The following CTNNA1 variants were observed in gnomAD, a reference collection of about 807,000 sequenced individuals.
CTNNA1 encodes the protein catenin alpha-1.
In CTNNA1, 37 loss-of-function variants were observed where a neutral mutation model predicts 98.4. The observed-to-expected ratio is 0.38, with a 90% CI of 0.29 to 0.49. The LOEUF (loss-of-function observed/expected upper bound fraction) is 0.49, where lower values mean the gene tolerates loss of function less well. CTNNA1 is among the 20% of genes least tolerant of loss of function. The probability of loss-of-function intolerance (pLI) is 0.95; values close to 1 mark genes in which losing one functional copy is unlikely to be tolerated. For synonymous variants in CTNNA1, 404 were observed against 413.2 expected (o/e 0.98, Z 0.27); for missense variants, 761 against 1,147.2 (o/e 0.66, Z 4.86).
intron 7 of CTNNA1, chr5:138,868,773 C>G (rs1765052442): frequency 6.6e-6 from 1 of 152,068 alleles, no homozygotes; most frequent in Non-Finnish European, 1.5e-5. Flanking sequence ...GATTAGCTGC[C>G]CCTTTTTTCA....
chr5:138,844,338 C>G (rs1470938836), intron 7 of CTNNA1, among the ~76,000 whole-genome samples: 1 of 152,034 alleles, frequency 6.6e-6, no homozygotes, highest in African/African-American at 2.4e-5. Context: ...TAGTACGAAA[C>G]CTTTTGTCTC....
At chr5:138,795,402 G>C (rs2149689498) in intron 3 of CTNNA1, among the ~76,000 whole-genome samples, 1 of 152,144 alleles carries the variant, frequency 6.6e-6, no homozygotes, top group Non-Finnish European at 1.5e-5. Context: ...AGATTGCAGT[G>C]AGCCGAGATT....
intron 7 of CTNNA1, among the ~76,000 whole-genome samples, chr5:138,846,484 G>A (rs1004379390): frequency 2.0e-5 from 3 of 152,152 alleles, no homozygotes; most frequent in African/African-American, 7.2e-5. Context: ...TGCTAATGAT[G>A]TGATATGTAT....
chr5:138,788,551 C>T (rs1755976456), intron 3 of CTNNA1, among the ~76,000 whole-genome samples: 1 of 151,964 alleles, frequency 6.6e-6, no homozygotes, highest in Non-Finnish European at 1.5e-5. Flanking sequence ...TTTTATCATC[C>T]CCCAAAAGAA....
intron 7 of CTNNA1, among the ~76,000 whole-genome samples, chr5:138,847,608 C>T (rs1287719286): frequency 6.6e-6 from 1 of 152,136 alleles, no homozygotes; most frequent in Non-Finnish European, 1.5e-5. Flanking sequence ...GGATTTCAGG[C>T]ACTGTGGCAG....
At chr5:138,805,216 A>C (rs943841960) in intron 3 of CTNNA1, among the ~76,000 whole-genome samples, 4 of 152,196 alleles carry the variant, frequency 2.6e-5, no homozygotes, top group Admixed American at 2.6e-4. Flanking sequence ...CCCACCTCCA[A>C]CATTGAGAAT....
intron 9 of CTNNA1, among the ~76,000 whole-genome samples, chr5:138,896,704 T>C (rs977191104): frequency 1.3e-5 from 2 of 152,230 alleles, no homozygotes; most frequent in Admixed American, 6.5e-5. Flanking sequence ...TTCATCTGTT[T>C]ATAAAATAAC....
At chr5:138,881,435 G>A (rs1366784666) in intron 7 of CTNNA1, among the ~76,000 whole-genome samples, 1 of 152,178 alleles carries the variant, frequency 6.6e-6, no homozygotes, top group Non-Finnish European at 1.5e-5. Flanking sequence ...AATATATGTT[G>A]TATGACACTG....
chr5:138,795,049 C>A (rs1756786708), intron 3 of CTNNA1, among the ~76,000 whole-genome samples: 1 of 149,376 alleles, frequency 6.7e-6, no homozygotes, highest in East Asian at 2.0e-4. Flanking sequence ...ACTCAAGTGG[C>A]TGAGGTGGGA....
In CTNNA1 at chr5:138,931,409, G is replaced by A. The variant is rs141437088; in HGVS notation, c.2298+474G>A. On this transcript the variant is annotated intron_variant, in intron 16 of 17. Transcript: ENST00000302763. ...TTTGGTGTTTTAAGCCTGATCAAGA[G>A]AAGCTCTTTCTCAGTTACAGTTTTT... is the stretch of plus-strand genomic sequence containing the variant. 3.6e-4 allele frequency among the ~76,000 whole-genome samples: 55 copies of A among 152,346 alleles called. 2 individuals carry two copies. In the East Asian group the frequency reaches 0.01, roughly 28 times the overall value.
intron 9 of CTNNA1, among the ~76,000 whole-genome samples, chr5:138,894,119 A>G (rs769850864): frequency 6.6e-6 from 1 of 151,580 alleles, no homozygotes; most frequent in Non-Finnish European, 1.5e-5. Flanking sequence ...GGGTTTTGCC[A>G]TGTTGGCCAG....
Position 138,874,617 on chromosome 5 carries a change from C to A in CTNNA1, c.1063-11595C>A. 1 of 1,078,364 alleles carries A rather than the reference C, an allele frequency of 9.3e-7. No homozygotes were observed. Among genetic ancestry groups the A allele is most frequent in the Non-Finnish European group, 1.3e-6 (1 of 766,248 alleles). The allele number at this position is 1,078,364 out of a possible 1,614,324, so 66.8% of individuals were successfully genotyped here. ...GATATTTTTCAGCAGAACATATGGG[C>A]TATTTAAAAAAAACAACCACCACCA... is the stretch of plus-strand genomic sequence containing the variant. On this transcript the variant is annotated intron_variant, in intron 7 of 17. Coordinates refer to ENST00000302763, the MANE Select transcript of CTNNA1 (RefSeq NM_001903.5). This position sits in a 1 kb window ranked among gnomAD's most constrained non-coding sequence, Gnocchi z 4.1.
intron 7 of CTNNA1, among the ~76,000 whole-genome samples, chr5:138,856,927 A>G (rs1763780162): frequency 6.6e-6 from 1 of 152,182 alleles, no homozygotes; most frequent in Non-Finnish European, 1.5e-5. Context: ...GAGATTAATA[A>G]TGAACACTTG....
intron 7 of CTNNA1, among the ~76,000 whole-genome samples, chr5:138,866,762 T>G (rs1764823071): frequency 6.6e-6 from 1 of 152,230 alleles, no homozygotes. Context: ...AAGGGGAGGT[T>G]TAAGATGTGT....
intron 1 of CTNNA1, among the ~76,000 whole-genome samples, chr5:138,762,420 C>G (rs1580860601): frequency 6.6e-6 from 1 of 152,154 alleles, no homozygotes. Flanking sequence ...AAGAACCACA[C>G]TTCAAAAATA....
chr5:138,786,323 C>A (rs991421654), intron 3 of CTNNA1, among the ~76,000 whole-genome samples: 1 of 152,126 alleles, frequency 6.6e-6, no homozygotes, highest in African/African-American at 2.4e-5. Context: ...GTGATAAGAT[C>A]TCTTTTCTAT....
chr5:138,812,180 T>C lies in CTNNA1; in HGVS notation c.469-3T>C. The stretch of plus-strand genomic sequence containing the variant: ...GGGTTTTGGGGTCTTTCTTATTTTA[T>C]AGGTGGAAGATGGTATCTTGAAGTT... On this transcript the variant is annotated splice_polypyrimidine_tract_variant and splice_region_variant and intron_variant, in intron 4 of 17. Coordinates refer to ENST00000302763, the MANE Select transcript of CTNNA1 (RefSeq NM_001903.5). 1 of 1,611,170 alleles carries C rather than the reference T, an allele frequency of 6.2e-7. No homozygotes were observed. Among genetic ancestry groups the C allele is most frequent in the Non-Finnish European group, 8.5e-7 (1 of 1,179,064 alleles).
chr5:138,915,263 C>G (rs1761493920), intron 10 of CTNNA1, among the ~76,000 whole-genome samples: 1 of 152,200 alleles, frequency 6.6e-6, no homozygotes, highest in Non-Finnish European at 1.5e-5. Context: ...TCATTATTCA[C>G]TTATTCAATG....
In CTNNA1 at chr5:138,827,641, C is replaced by T. The variant is rs1337385989; in HGVS notation, c.985C>T (p.Arg329Cys). 6.8e-6 allele frequency: 11 copies of T among 1,614,058 alleles called. No homozygotes were observed. Among genetic ancestry groups the T allele is most frequent in the Non-Finnish European group, 8.5e-7 (1 of 1,180,054 alleles). ...CGACTCGTCCTGCACGCGTGATGAC[C>T]GTCGTGAGCGAATTGTGGCAGAGTG... ...MADSSCTRDD[R>C]RERIVAECNA... Residue 329 changes from arginine to cysteine, a missense_variant, in exon 7 of 18, where the codon CGT (arginine) becomes TGT (cysteine). Physicochemically the swap from Arg to Cys is radical, Grantham distance 180. Transcript: ENST00000302763.
Sources: allele counts gnomAD v4.1 joint callset (sites outside exome capture counted in the v4.1 genomes callset), GRCh38; gene constraint gnomAD v4.1.1; non-coding constraint Gnocchi (gnomAD v3.1); transcripts MANE v1.5; gene names NCBI Gene and HGNC (gene_info 2026-07-23, HGNC 2026-07-21).